The following VPS13B variants were observed in gnomAD, a reference collection of about 807,000 sequenced individuals.
VPS13B encodes intermembrane lipid transfer protein VPS13B.
A neutral mutation model predicts 426.4 loss-of-function variants in VPS13B; 285 were observed. The ratio of observed to expected loss-of-function variants is 0.67; its 90% CI spans 0.61 to 0.74. VPS13B has a LOEUF of 0.74. VPS13B is among the 30% of genes least tolerant of loss of function. The pLI is 0.00. For synonymous variants in VPS13B, 1,676 were observed against 1,676.4 expected, an observed-to-expected ratio of 1.00 and a Z score of 0.01; for missense variants, 4,537 against 4,782.6, an observed-to-expected ratio of 0.95 and a Z score of 1.51.
At chr8:99,432,280 T>A (rs1310402835) in intron 22 of VPS13B, among the ~76,000 whole-genome samples, 2 of 152,134 alleles carry the variant, frequency 1.3e-5, no homozygotes, top group Non-Finnish European at 2.9e-5. Flanking sequence ...ACCAGAGACA[T>A]CCTTATAGAA....
chr8:99,633,628 G>A (rs994379978), intron 33 of VPS13B, among the ~76,000 whole-genome samples: 1 of 151,988 alleles, frequency 6.6e-6, no homozygotes. Flanking sequence ...GGACAAAATG[G>A]TTTCCACATT....
intron 30 of VPS13B, among the ~76,000 whole-genome samples, chr8:99,553,933 A>G (rs997141284): frequency 3.3e-5 from 5 of 152,076 alleles, no homozygotes; most frequent in Non-Finnish European, 7.4e-5. Flanking sequence ...GTATCTGGCT[A>G]TCACTCAAAA....
chr8:99,835,329 G>C lies in VPS13B; in HGVS notation c.9742+5G>C, dbSNP rs752394744. On this transcript the variant is annotated splice_donor_5th_base_variant and intron_variant, in intron 53 of 61. Transcript: ENST00000357162. ...TTATAAAGGAAAACATTAAAGGTAT[G>C]TTTTATACTATCGAATTTAGATAAT... The C allele has an allele frequency of 6.2e-7, 1 of 1,608,468 alleles. No homozygotes were observed. Among genetic ancestry groups the C allele is most frequent in the Non-Finnish European group, 8.5e-7 (1 of 1,175,172 alleles).
intron 42 of VPS13B, among the ~76,000 whole-genome samples, chr8:99,781,187 G>A (rs1812003563): frequency 6.6e-6 from 1 of 152,112 alleles, no homozygotes; most frequent in Non-Finnish European, 1.5e-5. Flanking sequence ...TCTGGCTATA[G>A]ATTTTCTTTT....
At position 99,025,869 on chromosome 8, in the gene VPS13B, G is replaced by A. The variant is rs80171838; in HGVS notation, c.147+11934G>A. Among the ~76,000 whole-genome samples the A allele has an allele frequency of 5.1e-3, 775 of 152,134 alleles. 4 individuals carry two copies. The highest frequency in any genetic ancestry group is 8.2e-3 in the Non-Finnish European group (558 of 67,960). On this transcript the variant is annotated intron_variant, in intron 2 of 61. Transcript: ENST00000357162. Reference sequence around the variant, plus strand: ...ATACTTGTTCATAATGGTCACTAACGATCCTTTGTATTTCTGTGGTTTGGT... The same window carrying A: ...ATACTTGTTCATAATGGTCACTAACAATCCTTTGTATTTCTGTGGTTTGGT...
At chr8:99,052,955 A>C (rs1843640133) in intron 3 of VPS13B, among the ~76,000 whole-genome samples, 1 of 151,342 alleles carries the variant, frequency 6.6e-6, no homozygotes, top group African/African-American at 2.4e-5. Flanking sequence ...GCGGTCTATC[A>C]ATTTTGTTGA....
chr8:99,803,774 C>CT (rs1455319018), intron 43 of VPS13B, among the ~76,000 whole-genome samples: 1 of 152,154 alleles, frequency 6.6e-6, no homozygotes, highest in Non-Finnish European at 1.5e-5. Flanking sequence ...GTGGAATGTA[C>CT]TATCAGTTCC....
intron 35 of VPS13B, among the ~76,000 whole-genome samples, chr8:99,690,703 G>C (rs561661472): frequency 2.6e-5 from 4 of 152,106 alleles, no homozygotes; most frequent in Admixed American, 1.3e-4. Flanking sequence ...AATGAGCAAA[G>C]GGTTTGAATA....
intron 19 of VPS13B, among the ~76,000 whole-genome samples, chr8:99,296,246 A>C (rs1253897334): frequency 6.6e-6 from 1 of 152,164 alleles, no homozygotes; most frequent in East Asian, 1.9e-4. Flanking sequence ...ACCTGTGTAC[A>C]TATAATTTCT....
chr8:99,219,887 G>A (rs1269740106), intron 17 of VPS13B, among the ~76,000 whole-genome samples: 4 of 152,204 alleles, frequency 2.6e-5, no homozygotes, highest in Non-Finnish European at 5.9e-5. Context: ...TGGGTGCCAA[G>A]CCTGGTATGT....
chr8:99,581,390 A>G (rs1186176454), intron 33 of VPS13B, among the ~76,000 whole-genome samples: 2 of 152,216 alleles, frequency 1.3e-5, no homozygotes, highest in Admixed American at 6.5e-5. Flanking sequence ...GTTCACAGCC[A>G]AAATGACTGG....
At chr8:99,176,053 CT>C (rs1220090386) in intron 16 of VPS13B, among the ~76,000 whole-genome samples, 1 of 152,092 alleles carries the variant, frequency 6.6e-6, no homozygotes, top group Non-Finnish European at 1.5e-5. Context: ...TACAGTATGA[CT>C]GTGTATTGCA....
At chr8:99,486,047 G>C (rs1820285170) in intron 25 of VPS13B, among the ~76,000 whole-genome samples, 1 of 152,010 alleles carries the variant, frequency 6.6e-6, no homozygotes, top group Admixed American at 6.6e-5. Context: ...TTTTCTGTGT[G>C]ATTCCTATGA....
At chr8:99,479,956 C>G (rs1241754045) in intron 24 of VPS13B, among the ~76,000 whole-genome samples, 1 of 152,142 alleles carries the variant, frequency 6.6e-6, no homozygotes, top group Non-Finnish European at 1.5e-5. Context: ...GGTATATGCT[C>G]TTTTTAAAAA....
intron 39 of VPS13B, among the ~76,000 whole-genome samples, chr8:99,751,172 AT>A (rs563309648): frequency 2.0e-5 from 3 of 151,000 alleles, no homozygotes; most frequent in Non-Finnish European, 3.0e-5. Flanking sequence ...CAGGCTTATT[AT>A]TTTTTTTTAG....
chr8:99,213,386 T>C, intron 17 of VPS13B, among the ~76,000 whole-genome samples: 2 of 152,196 alleles, frequency 1.3e-5, no homozygotes, highest in East Asian at 3.8e-4. Flanking sequence ...TCAAAAATTA[T>C]AGATAGTCCT....
intron 36 of VPS13B, among the ~76,000 whole-genome samples, chr8:99,713,725 A>ATGGT (rs1260367529): frequency 1.3e-5 from 2 of 152,228 alleles, no homozygotes; most frequent in Non-Finnish European, 2.9e-5. Context: ...TCTAGATACC[A>ATGGT]TTCTTCAACA....
intron 56 of VPS13B, among the ~76,000 whole-genome samples, chr8:99,855,809 G>A (rs1816516845): frequency 6.6e-6 from 1 of 152,196 alleles, no homozygotes; most frequent in African/African-American, 2.4e-5. Context: ...TGCCAGACCT[G>A]TTGTCTTGAT....
chr8:99,112,006 G>A (rs553309457), intron 6 of VPS13B, among the ~76,000 whole-genome samples: 2 of 152,140 alleles, frequency 1.3e-5, no homozygotes, highest in Admixed American at 1.3e-4. Flanking sequence ...TTATGTCCAT[G>A]TGTACCCAAG....
Sources: gnomAD v4.1 joint callset for allele counts (sites outside exome capture counted in the v4.1 genomes callset) on GRCh38, gnomAD v4.1.1 for gene constraint, MANE v1.5 for transcripts, NCBI Gene and HGNC (gene_info 2026-07-23, HGNC 2026-07-21) for gene names.